The following DIAPH1 variants were observed in gnomAD, a reference collection of about 807,000 sequenced individuals.
The protein encoded by DIAPH1 is protein diaphanous homolog 1.
Under a neutral mutation model 140.7 loss-of-function variants are expected in DIAPH1, and 46 were observed. That is an observed-to-expected ratio of 0.33 (90% confidence interval 0.26 to 0.42). DIAPH1 has a LOEUF of 0.42. Among genes scored for constraint, DIAPH1 ranks in the 10% least tolerant of loss-of-function variants. The probability of loss-of-function intolerance (pLI) is 1.00; values close to 1 mark genes in which losing one functional copy is unlikely to be tolerated. For synonymous variants in DIAPH1, 565 were observed against 551.6 expected, an observed-to-expected ratio of 1.02 and a Z score of -0.34; for missense variants, 1,310 against 1,558.7, an observed-to-expected ratio of 0.84 and a Z score of 2.69.
At chr5:141,618,240 A>G (rs2099903004) in intron 1 of DIAPH1, among the ~76,000 whole-genome samples, 1 of 152,240 alleles carries the variant, frequency 6.6e-6, no homozygotes, top group South Asian at 2.1e-4. Context: ...AGTTGGGGGT[A>G]GGGCTCAAGT....
chr5:141,606,583 C>T (rs376790512), intron 1 of DIAPH1, among the ~76,000 whole-genome samples: 55 of 152,096 alleles, frequency 3.6e-4, no homozygotes, highest in African/African-American at 5.3e-4. Context: ...TTAGTAGAGA[C>T]GGGGTTTCAC....
chr5:141,574,020 A>G lies in DIAPH1; in HGVS notation c.1830T>C (p.Pro610=). The stretch of plus-strand genomic sequence containing the variant: ...GTGGAGGAGGAGGAGGAGGAGGAGG[A>G]GGAGGAGGAGTGGTACTATCCCCAG... ...PAPGDSTTPP[P]PPPPPPPPPP... is the part of the protein sequence containing the mutation. The change falls in exon 16 of 28, where the codon CCT becomes CCC. Residue 610 remains proline, a synonymous_variant. Transcript: ENST00000389054. The G allele has an allele frequency of 1.3e-6, 2 of 1,563,920 alleles. No individual in the cohort carries two copies. Among genetic ancestry groups the G allele is most frequent in the Non-Finnish European group, 1.7e-6 (2 of 1,154,586 alleles).
chr5:141,545,171 C>A (rs910683727), intron 18 of DIAPH1, among the ~76,000 whole-genome samples: 8 of 152,118 alleles, frequency 5.3e-5, no homozygotes, highest in Admixed American at 1.3e-4. Context: ...GGAGGACTGA[C>A]AAATGAACAT....
rs1324558549 is a variant in DIAPH1 at position 141,580,815 on chromosome 5, A to T, written c.753T>A (p.Ala251=). Residue 251 remains alanine (A), a synonymous_variant, in exon 8 of 28, where the codon GCT becomes GCA. Transcript: ENST00000389054. ...CTGCATCAATCATCATGTTGGGAACAGCAGGATCCATGGCTCTGACCAGCA... is the reference window on the plus strand; with the variant it reads ...CTGCATCAATCATCATGTTGGGAACTGCAGGATCCATGGCTCTGACCAGCA... ...ILLLVRAMDP[A]VPNMMIDAAK... The T allele has an allele frequency of 6.2e-7, 1 of 1,614,230 alleles. No individual in the cohort carries two copies. Among genetic ancestry groups the T allele is most frequent in the African/African-American group, 1.3e-5 (1 of 75,070 alleles).
At chr5:141,601,347 G>A (rs1013484091) in intron 1 of DIAPH1, among the ~76,000 whole-genome samples, 2 of 151,102 alleles carry the variant, frequency 1.3e-5, no homozygotes, top group African/African-American at 2.4e-5. Context: ...GCTAACGTGC[G>A]GTGTGATCTT....
intron 18 of DIAPH1, among the ~76,000 whole-genome samples, chr5:141,541,595 G>A (rs1562295235): frequency 6.6e-6 from 1 of 150,476 alleles, no homozygotes; most frequent in Non-Finnish European, 1.5e-5. Flanking sequence ...TGAGGCATAA[G>A]AATCGCTTGA....
At chr5:141,598,722 C>T (rs2154597027) in intron 1 of DIAPH1, among the ~76,000 whole-genome samples, 1 of 152,088 alleles carries the variant, frequency 6.6e-6, no homozygotes, top group South Asian at 2.1e-4. Flanking sequence ...GTCAAAAGAC[C>T]CCAAGGTATT....
rs1426398756 is a variant in DIAPH1, at chr5:141,591,712, A to ATATATATATATATATATTTATATATATT, written c.118-3463_118-3462insAATATATATAAATATATATATATATATA. On this transcript the variant is annotated intron_variant, in intron 1 of 27. Coordinates refer to ENST00000389054, the MANE Select transcript of DIAPH1 (RefSeq NM_005219.5). Reference sequence around the variant, plus strand: ...GAGATGGGGATATATATATATATATATATATATATATATATGAAGGAAGAT... The same window carrying ATATATATATATATATATTTATATATATT: ...GAGATGGGGATATATATATATATATATATATATATATATATATTTATATATATTTATATATATATATATGAAGGAAGAT... 5.6e-4 allele frequency among the ~76,000 whole-genome samples: 40 copies of ATATATATATATATATATTTATATATATT among 71,652 alleles called. 2 individuals are homozygous for ATATATATATATATATATTTATATATATT. The highest frequency in any genetic ancestry group is 2.3e-3 in the Admixed American group (12 of 5,142). 47.0% of individuals were successfully genotyped at this position (71,652 alleles called of 152,430 possible).
chr5:141,522,336 A>T (rs1237960570), intron 27 of DIAPH1, among the ~76,000 whole-genome samples: 1 of 152,188 alleles, frequency 6.6e-6, no homozygotes, highest in Non-Finnish European at 1.5e-5. Flanking sequence ...GAGTACTTTG[A>T]CTAATTCAGG....
intron 1 of DIAPH1, among the ~76,000 whole-genome samples, chr5:141,616,294 A>G (rs1466142617): frequency 6.6e-6 from 1 of 152,252 alleles, no homozygotes; most frequent in Non-Finnish European, 1.5e-5. Flanking sequence ...TAGAACCTGC[A>G]TAAGCCAGGA....
chr5:141,573,979 C>T lies in DIAPH1; in HGVS notation c.1871G>A (p.Gly624Asp), dbSNP rs1329060473. ...AGAAGGGGGTGAGGAGATGCAAACACCCCCAGGCAAAGGAGGTGGAGGAGG... is the reference window on the plus strand; with the variant it reads ...AGAAGGGGGTGAGGAGATGCAAACATCCCCAGGCAAAGGAGGTGGAGGAGG... ...PPPPPPPLPG[G>D]VCISSPPSLP... Residue 624 changes from glycine to aspartate, a missense_variant, in exon 16 of 28, where the codon GGT (glycine) becomes GAT (aspartate). Coordinates refer to ENST00000389054, the MANE Select transcript of DIAPH1 (RefSeq NM_005219.5). The T allele has an allele frequency of 5.2e-6, 8 of 1,545,280 alleles. No homozygotes were observed. Among genetic ancestry groups the T allele is most frequent in the Admixed American group, 2.0e-5 (1 of 50,302 alleles).
intron 23 of DIAPH1, among the ~76,000 whole-genome samples, chr5:141,528,130 A>G (rs2154594988): frequency 6.6e-6 from 1 of 152,318 alleles, no homozygotes. Context: ...GTTCCAGGAC[A>G]GTGAGGCCTA....
At chr5:141,542,330 G>A (rs547833639) in intron 18 of DIAPH1, among the ~76,000 whole-genome samples, 2 of 152,078 alleles carry the variant, frequency 1.3e-5, no homozygotes, top group South Asian at 4.2e-4. Context: ...CTACTCGGGA[G>A]GCTGAGGCAA....
chr5:141,519,327 T>C (rs1176574556), intron 27 of DIAPH1, among the ~76,000 whole-genome samples: 1 of 152,210 alleles, frequency 6.6e-6, no homozygotes, highest in Non-Finnish European at 1.5e-5. Context: ...TATCATTTTA[T>C]TATTTCTTTG....
chr5:141,587,748 A>G (rs1340000745), intron 2 of DIAPH1, among the ~76,000 whole-genome samples: 1 of 152,222 alleles, frequency 6.6e-6, no homozygotes, highest in Non-Finnish European at 1.5e-5. Context: ...TTCAATATAT[A>G]TTCTTCAAAA....
chr5:141,528,696 G>T lies in DIAPH1; in HGVS notation c.3018+6C>A. ...TGTGTTGTCCTGCCCTACCTCTTTGGCTCACCTTACAGAGGAAGCTGATAT... is the reference window on the plus strand; with the variant it reads ...TGTGTTGTCCTGCCCTACCTCTTTGTCTCACCTTACAGAGGAAGCTGATAT... On this transcript the variant is annotated splice_donor_region_variant and intron_variant, in intron 22 of 27. Coordinates refer to ENST00000389054, the MANE Select transcript of DIAPH1 (RefSeq NM_005219.5). The T allele has an allele frequency of 1.2e-6, 2 of 1,614,166 alleles. No individual in the cohort carries two copies. The highest frequency in any genetic ancestry group is 1.7e-6 in the Non-Finnish European group (2 of 1,180,022).
intron 2 of DIAPH1, 28 bp from the exon 3 acceptor site, chr5:141,587,225 T>C: frequency 6.2e-7 from 1 of 1,611,648 alleles, no homozygotes; most frequent in South Asian, 1.1e-5. Context: ...GCATTAGCAG[T>C]GATCCATTTT....
At chr5:141,618,259 A>G (rs1330584354) in intron 1 of DIAPH1, among the ~76,000 whole-genome samples, 2 of 152,218 alleles carry the variant, frequency 1.3e-5, no homozygotes, top group Non-Finnish European at 2.9e-5. Flanking sequence ...GTCAGGTAAC[A>G]TTCCTCAGGG....
At position 141,527,633 on chromosome 5, in the gene DIAPH1, A is replaced by C; in HGVS notation, c.3213T>G (p.Arg1071=). Residue 1071 remains arginine (R), a synonymous_variant, in exon 24 of 28, where the codon CGT becomes CGG. Coordinates refer to ENST00000389054, the MANE Select transcript of DIAPH1 (RefSeq NM_005219.5). The part of the protein sequence containing the change: ...QMKKQISDVE[R]DVQNFPAATD... The stretch of plus-strand genomic sequence containing the variant: ...TGGCAGCTGGGAAATTCTGAACATC[A>C]CGTTCCACATCAGAAATTTGTTTCT... The C allele has an allele frequency of 6.2e-7, 1 of 1,607,602 alleles. No individual in the cohort carries two copies.
Sources: allele counts gnomAD v4.1 joint callset (sites outside exome capture counted in the v4.1 genomes callset), GRCh38; gene constraint gnomAD v4.1.1; transcripts MANE v1.5; gene names NCBI Gene and HGNC (gene_info 2026-07-23, HGNC 2026-07-21).